The following NEBL variants were observed in gnomAD, a reference collection of about 807,000 sequenced individuals.
NEBL encodes nebulette.
A neutral mutation model predicts 140.2 loss-of-function variants in NEBL; 122 were observed. The observed-to-expected ratio is 0.87, with a 90% CI of 0.75 to 1.01. NEBL has a LOEUF of 1.01. Ranked by LOEUF, NEBL falls within the 50% of genes least tolerant of loss-of-function variation. The pLI is 0.00. For synonymous variants in NEBL, 436 were observed against 398.9 expected (o/e 1.09, Z -1.11); for missense variants, 1,365 against 1,231.3 (o/e 1.11, Z -1.62).
Position 21,220,191 on chromosome 10 carries a change from G to A in NEBL, n.348+27730C>T, listed in dbSNP as rs111389831. Among the ~76,000 whole-genome samples, 699 of 152,260 alleles carry A rather than the reference G, an allele frequency of 4.6e-3. 5 individuals are homozygous for A. Among genetic ancestry groups the A allele is most frequent in the African/African-American group, 0.016 (657 of 41,534 alleles). ...GCCTCCCGAAGTGCTGGGATTACAGGCATGAGCCACCATGCCCGGCGTGAT... is the reference window on the plus strand; with the variant it reads ...GCCTCCCGAAGTGCTGGGATTACAGACATGAGCCACCATGCCCGGCGTGAT... On this transcript the variant is annotated intron_variant and non_coding_transcript_variant, in intron 3 of 8. Coordinates refer to the NEBL transcript ENST00000675702.
chr10:20,895,153 A>C (rs1847368614), intron 2 of NEBL, among the ~76,000 whole-genome samples: 1 of 152,146 alleles, frequency 6.6e-6, no homozygotes, highest in South Asian at 2.1e-4. Context: ...AATCTTATCC[A>C]AAACAACTCC....
intron 2 of NEBL, chr10:21,125,939 G>A: frequency 6.2e-7 from 1 of 1,614,218 alleles, no homozygotes; most frequent in Non-Finnish European, 8.5e-7. Flanking sequence ...GACAGCCTTG[G>A]GGACTTGGCC....
At chr10:20,926,969 G>A (rs974887483) in intron 4 of NEBL, among the ~76,000 whole-genome samples, 3 of 152,162 alleles carry the variant, frequency 2.0e-5, no homozygotes, top group Non-Finnish European at 2.9e-5. Flanking sequence ...GAGTGGGGAG[G>A]AAAAATCATT....
intron 24 of NEBL, among the ~76,000 whole-genome samples, chr10:20,812,145 T>C (rs1838210973): frequency 6.6e-6 from 1 of 152,176 alleles, no homozygotes; most frequent in African/African-American, 2.4e-5. Context: ...TAAAAGGACC[T>C]AAACGCAATA....
chr10:21,078,728 T>C (rs1345139337), intron 2 of NEBL, among the ~76,000 whole-genome samples: 1 of 152,230 alleles, frequency 6.6e-6, no homozygotes, highest in African/African-American at 2.4e-5. Context: ...ACAAGATCAT[T>C]CTCTCTATAT....
chr10:20,871,985 GACTA>G (rs1376252067), intron 5 of NEBL, among the ~76,000 whole-genome samples: 6 of 152,102 alleles, frequency 3.9e-5, no homozygotes, highest in Non-Finnish European at 7.3e-5. Context: ...CCACCTACAA[GACTA>G]ACTGTTTCTA....
At chr10:21,125,739 A>C (rs2132055437) in intron 2 of NEBL, 1 of 1,026,848 alleles carries the variant, frequency 9.7e-7, no homozygotes, top group East Asian at 2.4e-5. Context: ...CATGTGCTCC[A>C]CAGGGCACGG....
intron 4 of NEBL, among the ~76,000 whole-genome samples, chr10:20,931,471 A>T (rs1834179747): frequency 6.6e-6 from 1 of 152,244 alleles, no homozygotes. Context: ...AAGAGATCAA[A>T]AAGAAATGTT....
chr10:21,174,211 C>T, upstream of NEBL: 1 of 213,934 alleles, frequency 4.7e-6, no homozygotes, highest in Non-Finnish European at 8.1e-6. Flanking sequence ...CGCGCCCGGA[C>T]CGAAGTGGCA....
intron 1 of NEBL, among the ~76,000 whole-genome samples, chr10:21,274,273 G>A (rs188257942): frequency 1.8e-3 from 280 of 152,230 alleles, no homozygotes; most frequent in African/African-American, 6.3e-3. Context: ...GCCCCAGACA[G>A]AGTCAGAAAA....
intron 3 of NEBL, among the ~76,000 whole-genome samples, chr10:20,983,918 C>A (rs1222815200): frequency 6.6e-6 from 1 of 152,128 alleles, no homozygotes; most frequent in Non-Finnish European, 1.5e-5. Flanking sequence ...ATTTAAAATT[C>A]TTTTATAGCA....
intron 1 of NEBL, among the ~76,000 whole-genome samples, chr10:21,263,338 T>C (rs1032100148): frequency 2.6e-5 from 4 of 151,848 alleles, no homozygotes; most frequent in Non-Finnish European, 4.4e-5. Flanking sequence ...ACTAGTGTCC[T>C]AAAGAAACAC....
chr10:21,105,234 G>A (rs758288725), intron 2 of NEBL, among the ~76,000 whole-genome samples: 9 of 151,992 alleles, frequency 5.9e-5, no homozygotes, highest in African/African-American at 2.2e-4. Flanking sequence ...TGCAGAACAT[G>A]CAGTTTTGTT....
intron 2 of NEBL, among the ~76,000 whole-genome samples, chr10:21,026,512 A>G (rs1833505146): frequency 6.6e-6 from 1 of 152,214 alleles, no homozygotes; most frequent in Non-Finnish European, 1.5e-5. Context: ...AACAGCCACC[A>G]TGGCCCCTTA....
intron 3 of NEBL, among the ~76,000 whole-genome samples, chr10:21,181,803 A>G (rs569334506): frequency 9.5e-4 from 144 of 152,244 alleles, no homozygotes; most frequent in Middle Eastern, 3.4e-3. Context: ...GCATCTTTTC[A>G]TCTTCACCTC....
At chr10:21,144,687 A>C (rs1839808187) in intron 2 of NEBL, among the ~76,000 whole-genome samples, 1 of 152,052 alleles carries the variant, frequency 6.6e-6, no homozygotes, top group Admixed American at 6.6e-5. Context: ...AGATCATGTC[A>C]CTGCACTCCA....
chr10:20,944,593 A>G lies in NEBL; in HGVS notation c.357+17079T>C, dbSNP rs140094146. On this transcript the variant is annotated intron_variant, in intron 4 of 6. Coordinates refer to the NEBL transcript ENST00000417816. ...CAAGGCTAAAGGCATACATATTTAT[A>G]TGGGTTTGCACTCTCTCACACCTGC... 3.1e-3 allele frequency among the ~76,000 whole-genome samples: 471 copies of G among 152,294 alleles called. 2 individuals carry two copies. Among genetic ancestry groups the G allele is most frequent in the African/African-American group, 0.011 (456 of 41,548 alleles).
intron 10 of NEBL, 51 bp from the exon 11 acceptor site, chr10:20,850,553 A>G: frequency 2.6e-6 from 3 of 1,163,952 alleles, no homozygotes; most frequent in South Asian, 2.5e-5. Context: ...TTATACAAAC[A>G]GAGCAAACTA....
chr10:20,807,382 G>A (rs1488193753), intron 26 of NEBL, among the ~76,000 whole-genome samples: 1 of 151,996 alleles, frequency 6.6e-6, no homozygotes, highest in Non-Finnish European at 1.5e-5. Context: ...ACACAAAAAG[G>A]GGAGATTTTC....
Sources: allele counts gnomAD v4.1 joint callset (sites outside exome capture counted in the v4.1 genomes callset), GRCh38; gene constraint gnomAD v4.1.1; transcripts MANE v1.5; gene names NCBI Gene and HGNC (gene_info 2026-07-23, HGNC 2026-07-21).